The following DDHD1 variants were observed in gnomAD, a reference collection of about 807,000 sequenced individuals.
DDHD1 encodes phospholipase DDHD1.
DDHD1 carries 49 observed loss-of-function variants against 96.4 expected under a neutral mutation model. The observed-to-expected ratio is 0.51, with a 90% CI of 0.40 to 0.64. The LOEUF (loss-of-function observed/expected upper bound fraction) is 0.64, where lower values mean the gene tolerates loss of function less well. Ranked by LOEUF, DDHD1 falls within the 30% of genes least tolerant of loss-of-function variation. The pLI is 0.00. For missense variants in DDHD1, 1,106 were observed against 1,161.2 expected (o/e 0.95, Z 0.69); for synonymous variants, 442 against 446.5 (o/e 0.99, Z 0.13).
chr14:53,124,571 A>T (rs1209217918), intron 1 of DDHD1, among the ~76,000 whole-genome samples: 1 of 152,218 alleles, frequency 6.6e-6, no homozygotes, highest in Admixed American at 6.5e-5. Context: ...AATACTAAAT[A>T]ATGCTTCAAC....
chr14:53,116,752 A>G (rs1888569835), intron 1 of DDHD1, among the ~76,000 whole-genome samples: 1 of 152,252 alleles, frequency 6.6e-6, no homozygotes, highest in Non-Finnish European at 1.5e-5. Flanking sequence ...ATAGCACTAA[A>G]TACCCACATC....
rs752119831 is a variant in DDHD1 at position 53,153,031 on chromosome 14, G to GCGCCGC, written c.62_67dup (p.Gly21_Gly22dup). On this transcript the variant is annotated inframe_insertion, in exon 1 of 13. Coordinates refer to ENST00000673822, the MANE Select transcript of DDHD1 (RefSeq NM_001160148.2). ...CCTCGCGTCTGAGCCCAGCTCCCAGGCGCCGCCGCCGCCGCCTCGGCCGTT... is the reference window on the plus strand; with the variant it reads ...CCTCGCGTCTGAGCCCAGCTCCCAGGCGCCGCCGCCGCCGCCGCCGCCTCGGCCGTT... The GCGCCGC allele has an allele frequency of 7.9e-5, 118 of 1,497,990 alleles. 1 individual carries two copies. In the South Asian group the frequency reaches 1.2e-3, roughly 16 times the overall value. 92.8% of individuals were successfully genotyped at this position (1,497,990 alleles called of 1,614,324 possible). A position where few individuals can be genotyped will look rare whatever the true frequency, so the allele number is the denominator to read the frequency against.
rs370647150 is a variant in DDHD1, at chr14:53,049,496, T to C, written c.2521+2348A>G. 7.9e-5 allele frequency among the ~76,000 whole-genome samples: 12 copies of C among 152,104 alleles called. No individual in the cohort carries two copies. In the East Asian group the frequency reaches 1.2e-3, roughly 15 times the overall value. ...CCCAAGGGAGTGAGGGTCTACATAG[T>C]AGCATCATTCTGTATGTGCTGTGAG... On this transcript the variant is annotated intron_variant, in intron 12 of 12. Transcript: ENST00000673822.
chr14:53,129,918 G>A lies in DDHD1; in HGVS notation c.838+22343C>T, dbSNP rs550201653. ...CGTAAAAATGGGCAAATGGTCTGAG[G>A]TGCCCGACGTCCAGGCATTCTTTTA... On this transcript the variant is annotated intron_variant, in intron 1 of 12. Transcript: ENST00000673822. 2.0e-5 allele frequency among the ~76,000 whole-genome samples: 3 copies of A among 152,268 alleles called. No homozygotes were observed. The East Asian group carries it at 5.8e-4, about 29-fold the overall frequency.
At chr14:53,049,501 T>C (rs1040678568) in intron 12 of DDHD1, among the ~76,000 whole-genome samples, 11 of 152,060 alleles carry the variant, frequency 7.2e-5, no homozygotes, top group Admixed American at 4.6e-4. Context: ...CATAGTAGCA[T>C]CATTCTGTAT....
intron 1 of DDHD1, among the ~76,000 whole-genome samples, chr14:53,110,849 G>A (rs1419896528): frequency 6.6e-6 from 1 of 152,028 alleles, no homozygotes; most frequent in African/African-American, 2.4e-5. Context: ...GTGGTAACAC[G>A]CCTGTAATCC....
chr14:53,059,863 CAAAAAA>C (rs60708379), intron 8 of DDHD1, among the ~76,000 whole-genome samples: 2 of 18,514 alleles, frequency 1.1e-4, no homozygotes, highest in Admixed American at 1.1e-3. Flanking sequence ...GACTCTGTCT[CAAAAAA>C]AAAAAAAAAA....
Position 53,083,573 on chromosome 14 carries a change from A to G in DDHD1, c.1289+8212T>C, listed in dbSNP as rs181598161. Among the ~76,000 whole-genome samples the G allele has an allele frequency of 1.3e-3, 191 of 152,334 alleles. 1 individual carries two copies. The highest frequency in any genetic ancestry group is 4.4e-3 in the African/African-American group (183 of 41,570). On this transcript the variant is annotated intron_variant, in intron 4 of 12. Transcript: ENST00000673822. Reference sequence around the variant, plus strand: ...TTAGCAAGTTTGCTAAAATAAGGTTAAGAGGGAAAACTCTCTATTCCCAGG... The same window carrying G: ...TTAGCAAGTTTGCTAAAATAAGGTTGAGAGGGAAAACTCTCTATTCCCAGG...
intron 2 of DDHD1, among the ~76,000 whole-genome samples, chr14:53,094,134 G>A (rs911078207): frequency 1.5e-4 from 22 of 151,098 alleles, no homozygotes; most frequent in African/African-American, 5.1e-4. Context: ...CCGAGATCAC[G>A]CCACTGCACT....
intron 1 of DDHD1, among the ~76,000 whole-genome samples, chr14:53,150,636 T>C (rs1446258513): frequency 1.3e-5 from 2 of 152,202 alleles, no homozygotes; most frequent in South Asian, 2.1e-4. Flanking sequence ...TCTCCAAGGA[T>C]ACCCTGTATT....
chr14:53,133,879 G>A (rs572044559), intron 1 of DDHD1, among the ~76,000 whole-genome samples: 6 of 152,158 alleles, frequency 3.9e-5, no homozygotes, highest in South Asian at 2.1e-4. Flanking sequence ...CTACAACCTC[G>A]ATGGACCAGA....
In DDHD1 at chr14:53,062,628, A is replaced by C. The variant is rs1286194629; in HGVS notation, c.1766+315T>G. On this transcript the variant is annotated intron_variant, in intron 7 of 12. Transcript: ENST00000673822. Reference sequence around the variant, plus strand: ...AAACTACAAAGGATTATAAACTGGTAAACATTTTCAATAAGGATTCTATGC... The same window carrying C: ...AAACTACAAAGGATTATAAACTGGTCAACATTTTCAATAAGGATTCTATGC... Among the ~76,000 whole-genome samples the C allele has an allele frequency of 3.3e-5, 5 of 152,194 alleles. No homozygotes were observed. The South Asian group carries it at 1.0e-3, about 32-fold the overall frequency.
At chr14:53,056,875 G>A (rs376084968) in intron 9 of DDHD1, among the ~76,000 whole-genome samples, 19 of 152,244 alleles carry the variant, frequency 1.2e-4, no homozygotes, top group African/African-American at 4.6e-4. Flanking sequence ...ACAAAGGACA[G>A]GGCTCAGAGC....
At chr14:53,142,855 TG>T (rs1174835346) in intron 1 of DDHD1, among the ~76,000 whole-genome samples, 37 of 152,364 alleles carry the variant, frequency 2.4e-4, no homozygotes, top group African/African-American at 8.7e-4. Context: ...GATCTAGGGC[TG>T]TGCCCATTTG....
intron 1 of DDHD1, among the ~76,000 whole-genome samples, chr14:53,124,249 T>TTATATATATA (rs35996453): frequency 1.4e-5 from 2 of 146,430 alleles, no homozygotes; most frequent in African/African-American, 5.2e-5. Flanking sequence ...AAAAAAAAAA[T>TTATATATATA]TATATATATA....
In DDHD1 at chr14:53,036,959, G is replaced by T. The variant is rs200624639; in HGVS notation, c.*9809C>A. The T allele has an allele frequency of 1.3e-5, 2 of 152,184 alleles. No individual in the cohort carries two copies. Among genetic ancestry groups the T allele is most frequent in the East Asian group, 1.9e-4 (1 of 5,170 alleles). 9.4% of individuals were successfully genotyped at this position (152,184 alleles called of 1,614,324 possible). A position where few individuals can be genotyped will look rare whatever the true frequency, so the allele number is the denominator to read the frequency against. On this transcript the variant is annotated 3_prime_UTR_variant, in exon 13 of 13. Transcript: ENST00000673822. ...CTCACCCACAGTGTTCCAGTCTGCA[G>T]TGTCTGTTGTTCCCACCTTTGCATC...
chr14:53,061,440 T>C, intron 7 of DDHD1: 1 of 370,346 alleles, frequency 2.7e-6, no homozygotes. Flanking sequence ...AGCTTTTTTG[T>C]AGTAAAATGT....
chr14:53,069,615 G>A (rs1884342046), intron 6 of DDHD1, among the ~76,000 whole-genome samples: 2 of 152,080 alleles, frequency 1.3e-5, no homozygotes, highest in South Asian at 2.1e-4. Context: ...TATTGTGGTG[G>A]TCTGAAACCA....
intron 4 of DDHD1, among the ~76,000 whole-genome samples, chr14:53,078,960 CAT>C (rs933151575): frequency 4.6e-5 from 7 of 151,932 alleles, no homozygotes; most frequent in East Asian, 3.9e-4. Context: ...CTGAAAATCA[CAT>C]GATGTGTTTT....
Sources: allele counts gnomAD v4.1 joint callset (sites outside exome capture counted in the v4.1 genomes callset), GRCh38; gene constraint gnomAD v4.1.1; transcripts MANE v1.5; gene names NCBI Gene and HGNC (gene_info 2026-07-23, HGNC 2026-07-21).